The following PCNX2 variants were observed in gnomAD, a reference collection of about 807,000 sequenced individuals.
PCNX2 encodes the protein pecanex 2.
In PCNX2, 168 loss-of-function variants were observed where a neutral mutation model predicts 223.8. That is an observed-to-expected ratio of 0.75 (90% CI 0.66 to 0.85). The LOEUF is 0.85. Ranked by LOEUF, PCNX2 falls within the 40% of genes least tolerant of loss-of-function variation. PCNX2 has a pLI of 0.00. For missense variants in PCNX2, 2,507 were observed against 2,675.5 expected (o/e 0.94, Z 1.39); for synonymous variants, 1,006 against 1,052.6 (o/e 0.96, Z 0.86).
intron 5 of PCNX2, among the ~76,000 whole-genome samples, chr1:233,256,097 C>A (rs1411398118): frequency 6.6e-6 from 1 of 152,200 alleles, no homozygotes; most frequent in Non-Finnish European, 1.5e-5. Flanking sequence ...CTAAGCCTAT[C>A]TCTTCCCATA....
intron 17 of PCNX2, among the ~76,000 whole-genome samples, chr1:233,171,084 A>G (rs114483211): frequency 0.019 from 2,918 of 152,184 alleles, 103 homozygotes; most frequent in African/African-American, 0.066. Context: ...CATTACGAAG[A>G]CCTCTGACGA....
At chr1:233,201,746 G>A (rs1035928818) in intron 13 of PCNX2, 1 of 154,148 alleles carries the variant, frequency 6.5e-6, no homozygotes, top group African/African-American at 2.4e-5. Context: ...TGATATGAAA[G>A]GCAAAGCCAG....
chr1:233,279,923 G>T (rs1458168400), intron 1 of PCNX2, among the ~76,000 whole-genome samples: 1 of 152,108 alleles, frequency 6.6e-6, no homozygotes, highest in Non-Finnish European at 1.5e-5. Flanking sequence ...GCCTTCACCT[G>T]TTCTTTACCT....
the PCNX2 span, among the ~76,000 whole-genome samples, chr1:233,322,102 T>C: frequency 6.6e-6 from 1 of 152,134 alleles, no homozygotes; most frequent in Admixed American, 6.5e-5. Context: ...TCCAAATACA[T>C]ATATAAAAGA....
chr1:233,318,975 T>G, the PCNX2 span, among the ~76,000 whole-genome samples: 236 of 152,198 alleles, frequency 1.6e-3, 1 homozygote, highest in African/African-American at 5.4e-3. Context: ...ACCCCAAGAC[T>G]TCAGCACTGA....
At chr1:233,017,562 C>T (rs907214790) in intron 26 of PCNX2, among the ~76,000 whole-genome samples, 5 of 151,992 alleles carry the variant, frequency 3.3e-5, no homozygotes, top group South Asian at 2.1e-4. Flanking sequence ...GTGATCCGCC[C>T]GCCTTGGCCT....
rs765941027 is a variant in PCNX2, at chr1:233,054,297, G to C, written c.4322C>G (p.Thr1441Ser). 1.2e-6 allele frequency: 2 copies of C among 1,613,690 alleles called. No homozygotes were observed. The highest frequency in any genetic ancestry group is 1.7e-6 in the Non-Finnish European group (2 of 1,179,832). ...GAATTCCAGTCCTCGAAGTTGAAAGGTGACAAGACCATTTCCAATTTCAAT... is the reference window on the plus strand; with the variant it reads ...GAATTCCAGTCCTCGAAGTTGAAAGCTGACAAGACCATTTCCAATTTCAAT... ...HLIEIGNGLVTFQLRGLEFRG... is the reference protein window; with the variant it reads ...HLIEIGNGLVSFQLRGLEFRG... Residue 1441 changes from threonine (T) to serine (S), a missense_variant, in exon 25 of 34, where the codon ACC (threonine) becomes AGC (serine). Physicochemically the swap from Thr to Ser is moderately conservative, Grantham distance 58. Transcript: ENST00000258229.
intron 24 of PCNX2, among the ~76,000 whole-genome samples, chr1:233,056,129 G>C (rs1239407884): frequency 1.3e-5 from 2 of 152,166 alleles, no homozygotes; most frequent in Non-Finnish European, 2.9e-5. Context: ...CTTCTATGCA[G>C]ATGAAGCCTC....
intron 1 of PCNX2, among the ~76,000 whole-genome samples, chr1:233,293,214 T>C (rs1487642373): frequency 6.6e-6 from 1 of 152,178 alleles, no homozygotes; most frequent in Admixed American, 6.5e-5. Context: ...AACACAACAT[T>C]AAATGCGAAT....
intron 21 of PCNX2, among the ~76,000 whole-genome samples, chr1:233,098,725 T>C (rs1301987101): frequency 6.6e-6 from 1 of 152,224 alleles, no homozygotes; most frequent in Non-Finnish European, 1.5e-5. Flanking sequence ...GTGTTCTAGA[T>C]GAGTCAGATG....
intron 21 of PCNX2, among the ~76,000 whole-genome samples, chr1:233,107,237 T>C (rs1314569374): frequency 6.6e-6 from 1 of 152,020 alleles, no homozygotes; most frequent in African/African-American, 2.4e-5. Context: ...CCTTTTTATG[T>C]AACTTGAATT....
chr1:233,039,666 T>C (rs1671575726), intron 25 of PCNX2, among the ~76,000 whole-genome samples: 1 of 152,178 alleles, frequency 6.6e-6, no homozygotes, highest in Non-Finnish European at 1.5e-5. Flanking sequence ...TAGTTAATTT[T>C]TCATCGTCTG....
intron 8 of PCNX2, among the ~76,000 whole-genome samples, chr1:233,247,134 A>T (rs915094435): frequency 1.3e-5 from 2 of 152,170 alleles, no homozygotes; most frequent in Non-Finnish European, 2.9e-5. Context: ...CATAGGACTG[A>T]CTCGTTTTTC....
At chr1:233,124,602 C>T (rs1675995785) in intron 21 of PCNX2, among the ~76,000 whole-genome samples, 4 of 152,206 alleles carry the variant, frequency 2.6e-5, no homozygotes, top group Admixed American at 1.3e-4. Flanking sequence ...GGGAAACACA[C>T]TAAGATTAAT....
At chr1:233,101,037 G>C (rs1456780630) in intron 21 of PCNX2, among the ~76,000 whole-genome samples, 1 of 152,218 alleles carries the variant, frequency 6.6e-6, no homozygotes, top group East Asian at 1.9e-4. Context: ...TTCAAAGTGA[G>C]AGAACAGGAA....
At chr1:233,169,311 T>A (rs1678992027) in intron 17 of PCNX2, among the ~76,000 whole-genome samples, 1 of 152,124 alleles carries the variant, frequency 6.6e-6, no homozygotes, top group African/African-American at 2.4e-5. Flanking sequence ...AATATTTGAT[T>A]TTATTTAATA....
rs916164614 is a variant in PCNX2 at position 233,295,428 on chromosome 1, G to A, written c.51C>T (p.Leu17=). ...CCGGGTCGTGGTACCAGCCCCCGGTGAGCGCGGCCCACACGCCCTGCCGGA... is the reference window on the plus strand; with the variant it reads ...CCGGGTCGTGGTACCAGCCCCCGGTAAGCGCGGCCCACACGCCCTGCCGGA... The part of the protein sequence containing the change: ...QLLRQGVWAA[L]TGGWYHDPEQ... Residue 17 remains leucine (L), a synonymous_variant, in exon 1 of 34, where the codon CTC becomes CTT. Coordinates refer to ENST00000258229, the MANE Select transcript of PCNX2 (RefSeq NM_014801.4). This position sits in a 1 kb window ranked among gnomAD's most constrained non-coding sequence, Gnocchi z 4.1. 5.8e-6 allele frequency: 9 copies of A among 1,551,764 alleles called. No individual in the cohort carries two copies. Among genetic ancestry groups the A allele is most frequent in the East Asian group, 2.4e-5 (1 of 40,946 alleles).
chr1:233,174,872 A>G (rs1679381044), intron 17 of PCNX2, among the ~76,000 whole-genome samples: 1 of 152,220 alleles, frequency 6.6e-6, no homozygotes, highest in Non-Finnish European at 1.5e-5. Context: ...TCTTGCTCAT[A>G]TGCAAATGTA....
intron 2 of PCNX2, 60 bp downstream of exon 2, chr1:233,262,896 CTT>C (rs1248911095): frequency 3.3e-6 from 5 of 1,520,574 alleles, no homozygotes; most frequent in Non-Finnish European, 4.5e-6. Context: ...TGATAAAAAA[CTT>C]ATTTTAATCA....
Sources: gnomAD v4.1 joint callset for allele counts (sites outside exome capture counted in the v4.1 genomes callset) on GRCh38, gnomAD v4.1.1 for gene constraint, Gnocchi (gnomAD v3.1) non-coding constraint, MANE v1.5 for transcripts, NCBI Gene and HGNC (gene_info 2026-07-23, HGNC 2026-07-21) for gene names.